Variants in FGF23 observed in about 807,000 individuals in gnomAD.
FGF23 encodes fibroblast growth factor 23.
Under a neutral mutation model 9.0 loss-of-function variants are expected in FGF23, and 8 were observed. The ratio of observed to expected loss-of-function variants is 0.89; its 90% CI spans 0.52 to 1.60. The LOEUF (loss-of-function observed/expected upper bound fraction) is 1.60. Ranked by LOEUF, FGF23 falls within the 40% of genes most tolerant of loss-of-function variation. The pLI is 0.00. For synonymous variants in FGF23, 118 were observed against 146.2 expected (o/e 0.81, Z 1.39); for missense variants, 311 against 344.3 (o/e 0.90, Z 0.77).
chr12:4,379,226 C>A (rs1299750597), intron 1 of FGF23, 146 bp downstream of exon 1: 2 of 741,336 alleles, frequency 2.7e-6, no homozygotes, highest in Non-Finnish European at 4.8e-6. Context: ...CACAAACACA[C>A]ACACACACAA....
At chr12:4,374,513 G>T (rs1865096127) in intron 1 of FGF23, among the ~76,000 whole-genome samples, 1 of 152,062 alleles carries the variant, frequency 6.6e-6, no homozygotes, top group Non-Finnish European at 1.5e-5. Context: ...AGCCAGGTGT[G>T]TTGGTGGGCA....
chr12:4,377,422 CTTTTTTTTTTT>C (rs11397562), intron 1 of FGF23, among the ~76,000 whole-genome samples: 14 of 69,530 alleles, frequency 2.0e-4, no homozygotes, highest in South Asian at 7.1e-4. Context: ...CACATATAGT[CTTTTTTTTTTT>C]TTTTTTTTTT....
chr12:4,379,131 A>T (rs1016445681), intron 1 of FGF23, among the ~76,000 whole-genome samples: 2 of 152,182 alleles, frequency 1.3e-5, no homozygotes, highest in Non-Finnish European at 2.9e-5. Context: ...AAAATTATTC[A>T]TATTGAGAAA....
rs13312792 is a variant in FGF23 at position 4,370,676 on chromosome 12, C to A, written c.423G>T (p.Ala141=). Residue 141 remains alanine, a synonymous_variant, in exon 3 of 3, where the codon GCG becomes GCT. Transcript: ENST00000237837. The stretch of plus-strand genomic sequence containing the variant: ...TCATGCCTGGCAGGAAGGCTCTCTT[C>A]GCCCGGCCCAGACTGACCAGGAAGT... ...QYHFLVSLGR[A]KRAFLPGMNP... is the part of the protein sequence containing the mutation. The A allele has an allele frequency of 5.9e-4, 953 of 1,614,134 alleles. 7 individuals are homozygous for A. In the African/African-American group the frequency reaches 0.011, roughly 19 times the overall value.
Position 4,369,120 on chromosome 12 carries a change from A to G in FGF23, c.*1223T>C, listed in dbSNP as rs1379336094. On this transcript the variant is annotated 3_prime_UTR_variant, in exon 3 of 3. Transcript: ENST00000237837. The stretch of plus-strand genomic sequence containing the variant: ...AATTTCCAAGGGGATTGAGACCCAG[A>G]TGTGTCAGCCTAGGAGAGTTTTAAC... The G allele has an allele frequency of 4.3e-6, 1 of 230,420 alleles. No homozygotes were observed. The highest frequency in any genetic ancestry group is 8.6e-6 in the Non-Finnish European group (1 of 116,420). 14.3% of individuals were successfully genotyped at this position (230,420 alleles called of 1,614,324 possible).
At chr12:4,371,939 A>G (rs1436936588) in intron 2 of FGF23, among the ~76,000 whole-genome samples, 1 of 151,974 alleles carries the variant, frequency 6.6e-6, no homozygotes, top group Non-Finnish European at 1.5e-5. Flanking sequence ...ATGTCCAACA[A>G]TGATAGACTG....
intron 1 of FGF23, among the ~76,000 whole-genome samples, chr12:4,376,140 T>C (rs565294212): frequency 6.6e-6 from 1 of 152,178 alleles, no homozygotes; most frequent in Admixed American, 6.5e-5. Context: ...ATAATAAGGA[T>C]AAAGGGGAGT....
rs764766537 is a variant in FGF23 at position 4,370,495 on chromosome 12, C to A, written c.604G>T (p.Ala202Ser). The change falls in exon 3 of 3, where the codon GCC (alanine) becomes TCC (serine). Residue 202 changes from alanine to serine, a missense_variant. Ala to Ser is a moderately conservative substitution (Grantham distance 99). This residue lies in a region of FGF23 where 206 missense variants were observed against 219.2 expected (regional missense o/e 0.94). Transcript: ENST00000237837. ...VLKPRARMTP[A>S]PASCSQELPS... ...AGCTCCTGTGAACAGGAGGCCGGGG[C>A]CGGGGTCATCCGGGCCCGGGGCTTC... is the stretch of plus-strand genomic sequence containing the variant. 1.2e-6 allele frequency: 2 copies of A among 1,611,210 alleles called. No homozygotes were observed. Among genetic ancestry groups the A allele is most frequent in the Admixed American group, 1.7e-5 (1 of 59,874 alleles).
Position 4,378,722 on chromosome 12 carries a change from TTGGATGGATGGA to T in FGF23, c.211+638_211+649del, listed in dbSNP as rs60445368. Among the ~76,000 whole-genome samples, 632 of 148,286 alleles carry T rather than the reference TTGGATGGATGGA, an allele frequency of 4.3e-3. 1 individual carries two copies. The highest frequency in any genetic ancestry group is 8.1e-3 in the South Asian group (36 of 4,446). ...GTGTCTGAAACACCCATTAAACCTG[TTGGATGGATGGA>T]TGGATGGATGGATGGATGGATGGAT... On this transcript the variant is annotated intron_variant, in intron 1 of 2. Coordinates refer to ENST00000237837, the MANE Select transcript of FGF23 (RefSeq NM_020638.3).
In FGF23 at chr12:4,370,413, C is replaced by T. The variant is rs1033823201; in HGVS notation, c.686G>A (p.Gly229Asp). 5.0e-6 allele frequency: 8 copies of T among 1,613,784 alleles called. No individual in the cohort carries two copies. Among genetic ancestry groups the T allele is most frequent in the Middle Eastern group, 1.7e-4 (1 of 6,058 alleles). ...MASDPLGVVR[G>D]GRVNTHAGGT... The stretch of plus-strand genomic sequence containing the variant: ...CCCAGCGTGCGTGTTCACTCGACCG[C>T]CCCTGACCACCCCTAATGGGTCACT... The change falls in exon 3 of 3, where the codon GGC becomes GAC. Residue 229 changes from glycine to aspartate, a missense_variant. By Grantham distance (94) the Gly-to-Asp change is moderately conservative. Coordinates refer to ENST00000237837, the MANE Select transcript of FGF23 (RefSeq NM_020638.3).
At chr12:4,375,384 A>C (rs1339988532) in intron 1 of FGF23, among the ~76,000 whole-genome samples, 5 of 152,184 alleles carry the variant, frequency 3.3e-5, no homozygotes, top group Non-Finnish European at 5.9e-5. Context: ...AACTGTGAGA[A>C]GCTGCTACGG....
At position 4,370,352 on chromosome 12, in the gene FGF23, C is replaced by T; in HGVS notation, c.747G>A (p.Lys249=). ...TGCCCTTCCAGCGACCCTAGATGAA[C>T]TTGGCGAAGGGGCGGCAGCCTTCCG... ...TGPEGCRPFA[K]FI is the part of the protein sequence containing the mutation. The change falls in exon 3 of 3, where the codon AAG becomes AAA. Residue 249 remains lysine, a synonymous_variant. Coordinates refer to ENST00000237837, the MANE Select transcript of FGF23 (RefSeq NM_020638.3). 1 of 1,613,458 alleles carries T rather than the reference C, an allele frequency of 6.2e-7. No homozygotes were observed. Among genetic ancestry groups the T allele is most frequent in the Non-Finnish European group, 8.5e-7 (1 of 1,179,988 alleles).
At position 4,378,697 on chromosome 12, in the gene FGF23, G is replaced by A. The variant is rs1050210755; in HGVS notation, c.211+675C>T. ...TCATACTGGGTACCTGGGTACCTGG[G>A]TGTCTGAAACACCCATTAAACCTGT... On this transcript the variant is annotated intron_variant, in intron 1 of 2. Transcript: ENST00000237837. Among the ~76,000 whole-genome samples the A allele has an allele frequency of 5.9e-5, 9 of 152,188 alleles. No individual in the cohort carries two copies. The East Asian group carries it at 1.7e-3, about 29-fold the overall frequency.
intron 2 of FGF23, among the ~76,000 whole-genome samples, chr12:4,372,047 A>G (rs1293601713): frequency 1.3e-5 from 2 of 151,418 alleles, no homozygotes; most frequent in Non-Finnish European, 2.9e-5. Flanking sequence ...GAAATTGGAA[A>G]CCATCATTCT....
rs777538424 is a variant in FGF23 at position 4,379,488 on chromosome 12, A to T, written c.95T>A (p.Leu32His). 2 of 1,613,208 alleles carry T rather than the reference A, an allele frequency of 1.2e-6. No individual in the cohort carries two copies. The highest frequency in any genetic ancestry group is 1.7e-6 in the Non-Finnish European group (2 of 1,180,006). Residue 32 changes from leucine to histidine, a missense_variant, in exon 1 of 3, where the codon CTC becomes CAC. Transcript: ENST00000237837. ...GATCAGGCCACCCCAGCTGGAGCCGAGCAGTGGGGAGGCATTGGGATAGGC... is the reference window on the plus strand; with the variant it reads ...GATCAGGCCACCCCAGCTGGAGCCGTGCAGTGGGGAGGCATTGGGATAGGC... Reference protein sequence around the residue: ...LRAYPNASPLLGSSWGGLIHL... With the variant: ...LRAYPNASPLHGSSWGGLIHL...
intron 2 of FGF23, among the ~76,000 whole-genome samples, chr12:4,372,095 A>G (rs529870458): frequency 1.4e-5 from 2 of 147,790 alleles, no homozygotes; most frequent in African/African-American, 5.0e-5. Flanking sequence ...CAAACACCGC[A>G]TATTCTCACT....
chr12:4,370,411 C>A lies in FGF23; in HGVS notation c.688G>T (p.Gly230Cys). 1 of 1,613,738 alleles carries A rather than the reference C, an allele frequency of 6.2e-7. No homozygotes were observed. The highest frequency in any genetic ancestry group is 2.2e-5 in the East Asian group (1 of 44,858). The change falls in exon 3 of 3, where the codon GGT becomes TGT. Residue 230 changes from glycine to cysteine, a missense_variant. By Grantham distance (159) the Gly-to-Cys change is radical (BLOSUM62 -3). Coordinates refer to ENST00000237837, the MANE Select transcript of FGF23 (RefSeq NM_020638.3). The stretch of plus-strand genomic sequence containing the variant: ...CCCCCAGCGTGCGTGTTCACTCGAC[C>A]GCCCCTGACCACCCCTAATGGGTCA... ...ASDPLGVVRG[G>C]RVNTHAGGTG...
chr12:4,375,562 G>A (rs916647855), intron 1 of FGF23, among the ~76,000 whole-genome samples: 1 of 152,208 alleles, frequency 6.6e-6, no homozygotes, highest in Non-Finnish European at 1.5e-5. Context: ...TGGACTGCCG[G>A]AGCAACCAGC....
chr12:4,370,995 G>C (rs1299708448), intron 2 of FGF23, among the ~76,000 whole-genome samples: 1 of 152,202 alleles, frequency 6.6e-6, no homozygotes, highest in African/African-American at 2.4e-5. Flanking sequence ...CAGAGACTAC[G>C]ACTACTGGGG....
Sources: gnomAD v4.1 joint callset for allele counts (sites outside exome capture counted in the v4.1 genomes callset) on GRCh38, gnomAD v4.1.1 for gene constraint, gnomAD v4.1.1 regional missense constraint, MANE v1.5 for transcripts, NCBI Gene and HGNC (gene_info 2026-07-23, HGNC 2026-07-21) for gene names.